ALCAM: variants seen among roughly 807,000 people sequenced by gnomAD.
ALCAM encodes CD166 antigen.
A neutral mutation model predicts 70.9 loss-of-function variants in ALCAM; 30 were observed. That is an observed-to-expected ratio of 0.42 (90% CI 0.32 to 0.57). The LOEUF (loss-of-function observed/expected upper bound fraction) is 0.57, where lower values mean the gene tolerates loss of function less well. Among genes scored for constraint, ALCAM ranks in the 20% least tolerant of loss-of-function variants. The pLI is 0.11. For missense variants in ALCAM, 591 were observed against 695.1 expected, an observed-to-expected ratio of 0.85 and a Z score of 1.68; for synonymous variants, 249 against 242.5, an observed-to-expected ratio of 1.03 and a Z score of -0.25.
intron 14 of ALCAM, among the ~76,000 whole-genome samples, chr3:105,566,037 A>T (rs759880186): frequency 3.9e-5 from 6 of 152,224 alleles, no homozygotes; most frequent in Non-Finnish European, 8.8e-5. Flanking sequence ...TTCCCTTAGA[A>T]ATCACACAGA....
chr3:105,448,643 A>T (rs1012657160), intron 1 of ALCAM, among the ~76,000 whole-genome samples: 2 of 152,224 alleles, frequency 1.3e-5, no homozygotes, highest in African/African-American at 4.8e-5. Context: ...TCACTGACAC[A>T]GGAATTCAGT....
At chr3:105,423,961 T>G (rs1936731229) in intron 1 of ALCAM, among the ~76,000 whole-genome samples, 1 of 151,666 alleles carries the variant, frequency 6.6e-6, no homozygotes, top group Non-Finnish European at 1.5e-5. Context: ...TTTTAATGTA[T>G]ATTTTCATTA....
At chr3:105,559,222 T>G (rs1940580238) in intron 14 of ALCAM, among the ~76,000 whole-genome samples, 1 of 148,078 alleles carries the variant, frequency 6.8e-6, no homozygotes, top group Non-Finnish European at 1.5e-5. Context: ...ATTACATATA[T>G]ACATGTATAC....
chr3:105,393,577 T>C (rs1935876866), intron 1 of ALCAM, among the ~76,000 whole-genome samples: 1 of 151,886 alleles, frequency 6.6e-6, no homozygotes, highest in African/African-American at 2.4e-5. Context: ...AAATTAATTT[T>C]ATAATGGCAT....
chr3:105,569,435 G>T (rs1940817444), intron 14 of ALCAM, among the ~76,000 whole-genome samples: 1 of 152,092 alleles, frequency 6.6e-6, no homozygotes, highest in African/African-American at 2.4e-5. Context: ...AATAATCAAA[G>T]ACCTGTTTAT....
chr3:105,427,309 C>T (rs1184207514), intron 1 of ALCAM, among the ~76,000 whole-genome samples: 1 of 151,882 alleles, frequency 6.6e-6, no homozygotes, highest in African/African-American at 2.4e-5. Flanking sequence ...GCAGTTGCCC[C>T]TACCTCTACT....
intron 3 of ALCAM, among the ~76,000 whole-genome samples, chr3:105,527,812 C>T (rs1297185280): frequency 6.6e-6 from 1 of 151,904 alleles, no homozygotes; most frequent in African/African-American, 2.4e-5. Context: ...TATTTGGATT[C>T]CTCCCACTTG....
intron 9 of ALCAM, among the ~76,000 whole-genome samples, chr3:105,545,727 C>T (rs1940230444): frequency 6.6e-6 from 1 of 151,328 alleles, no homozygotes; most frequent in South Asian, 2.1e-4. Context: ...TATTATTTTC[C>T]CCACATTCTT....
At chr3:105,511,058 T>C (rs564069760) in intron 1 of ALCAM, among the ~76,000 whole-genome samples, 3 of 152,180 alleles carry the variant, frequency 2.0e-5, no homozygotes, top group Non-Finnish European at 2.9e-5. Flanking sequence ...CTTCCTAAAT[T>C]ATCTTGTTCT....
chr3:105,451,519 C>A (rs535780378), intron 1 of ALCAM, among the ~76,000 whole-genome samples: 1 of 151,972 alleles, frequency 6.6e-6, no homozygotes, highest in African/African-American at 2.4e-5. Context: ...GAATGTCAAG[C>A]CTAGAAAGAA....
chr3:105,457,024 TAGGCTCTTTTC>T (rs151218800), intron 1 of ALCAM, among the ~76,000 whole-genome samples: 17,519 of 152,206 alleles, frequency 0.12, 1,191 homozygotes, highest in African/African-American at 0.19. Flanking sequence ...GATGCTGTCC[TAGGCTCTTTTC>T]AGGCATTTAT....
At chr3:105,436,529 G>T (rs13079993) in intron 1 of ALCAM, among the ~76,000 whole-genome samples, 2 of 151,588 alleles carry the variant, frequency 1.3e-5, no homozygotes, top group African/African-American at 4.9e-5. Context: ...GGGTTTCACC[G>T]TATTAGCCAG....
Position 105,367,459 on chromosome 3 carries a change from C to A in ALCAM, c.51C>A (p.Ile17=), listed in dbSNP as rs1409207062. 1 of 1,613,938 alleles carries A rather than the reference C, an allele frequency of 6.2e-7. No homozygotes were observed. Among genetic ancestry groups the A allele is most frequent in the Non-Finnish European group, 8.5e-7 (1 of 1,179,952 alleles). Residue 17 remains isoleucine, a synonymous_variant, in exon 1 of 16, where the codon ATC becomes ATA. Coordinates refer to ENST00000306107, the MANE Select transcript of ALCAM (RefSeq NM_001627.4). ...SSCRLLFCLL[I]SATVFRPGLG... ...GCCGTCTGCTCTTCTGCCTCTTGAT[C>A]TCCGCCACCGTCTTCAGGCCAGGTG... is the stretch of plus-strand genomic sequence containing the variant.
chr3:105,504,308 C>T (rs1025077666), intron 1 of ALCAM, among the ~76,000 whole-genome samples: 1 of 152,180 alleles, frequency 6.6e-6, no homozygotes, highest in African/African-American at 2.4e-5. Context: ...TTGTGTTAAC[C>T]AGCTTAATTA....
intron 1 of ALCAM, among the ~76,000 whole-genome samples, chr3:105,450,501 T>G (rs1406446708): frequency 6.6e-6 from 1 of 152,186 alleles, no homozygotes; most frequent in African/African-American, 2.4e-5. Flanking sequence ...TCTGTTACCT[T>G]AAATAACTTC....
chr3:105,401,533 G>A (rs1402231008), intron 1 of ALCAM, among the ~76,000 whole-genome samples: 1 of 152,144 alleles, frequency 6.6e-6, no homozygotes, highest in Non-Finnish European at 1.5e-5. Flanking sequence ...TTTATCAAGT[G>A]TTTATATGTT....
intron 1 of ALCAM, among the ~76,000 whole-genome samples, chr3:105,518,243 T>C (rs1374541840): frequency 6.6e-6 from 1 of 152,094 alleles, no homozygotes; most frequent in East Asian, 1.9e-4. Flanking sequence ...TTTCAAATAA[T>C]AGGAGACAAT....
chr3:105,525,955 T>C (rs999394189), intron 3 of ALCAM, among the ~76,000 whole-genome samples: 1 of 152,230 alleles, frequency 6.6e-6, no homozygotes, highest in Non-Finnish European at 1.5e-5. Context: ...GTGGCCCATG[T>C]ATTTTTTTCT....
rs184700099 is a variant in ALCAM, at chr3:105,535,037, A to G, written c.730+192A>G. On this transcript the variant is annotated intron_variant, in intron 6 of 15. Transcript: ENST00000306107. ...TGAATAAACATTTATCCATCCTATA[A>G]TATCTTTCACTCTCTACATTTTATC... 3.9e-4 allele frequency among the ~76,000 whole-genome samples: 60 copies of G among 152,198 alleles called. No homozygotes were observed. The East Asian group carries it at 0.011, about 29-fold the overall frequency.
Sources: allele counts gnomAD v4.1 joint callset (sites outside exome capture counted in the v4.1 genomes callset), GRCh38; gene constraint gnomAD v4.1.1; transcripts MANE v1.5; gene names NCBI Gene and HGNC (gene_info 2026-07-23, HGNC 2026-07-21).